Variants in ASIC2 observed in about 807,000 individuals in gnomAD.
ASIC2 encodes the protein acid-sensing ion channel 2.
In ASIC2, 25 loss-of-function variants were observed where a neutral mutation model predicts 57.3. That is an observed-to-expected ratio of 0.44 (90% CI 0.32 to 0.61). The LOEUF (loss-of-function observed/expected upper bound fraction) is 0.61. ASIC2 is among the 20% of genes least tolerant of loss of function. The probability of loss-of-function intolerance (pLI) is 0.06; values close to 1 mark genes in which losing one functional copy is unlikely to be tolerated. For synonymous variants in ASIC2, 319 were observed against 307.5 expected (o/e 1.04, Z -0.39); for missense variants, 641 against 738.1 (o/e 0.87, Z 1.52).
At chr17:33,289,216 T>G (rs1905317131) in intron 1 of ASIC2, among the ~76,000 whole-genome samples, 1 of 152,136 alleles carries the variant, frequency 6.6e-6, no homozygotes, top group Admixed American at 6.5e-5. Context: ...CTTGGATGTG[T>G]GTGTGCCTGC....
chr17:33,944,613 G>T (rs1023821937), intron 1 of ASIC2, among the ~76,000 whole-genome samples: 1 of 152,230 alleles, frequency 6.6e-6, no homozygotes, highest in Non-Finnish European at 1.5e-5. Context: ...AGCGTGTGAT[G>T]TGGGCTAGTC....
At chr17:34,036,296 C>T (rs1402122027) in intron 1 of ASIC2, among the ~76,000 whole-genome samples, 1 of 144,744 alleles carries the variant, frequency 6.9e-6, no homozygotes, top group African/African-American at 2.6e-5. Flanking sequence ...ATCGCATGTT[C>T]TCACTCATAG....
intron 1 of ASIC2, among the ~76,000 whole-genome samples, chr17:34,099,449 G>T (rs1393715349): frequency 1.4e-5 from 1 of 73,138 alleles, no homozygotes; most frequent in African/African-American, 4.0e-5. Context: ...GAAAGAGAAA[G>T]AAAGAAAAGA....
intron 3 of ASIC2, among the ~76,000 whole-genome samples, chr17:33,087,342 C>T (rs936761541): frequency 5.3e-5 from 8 of 152,048 alleles, no homozygotes; most frequent in African/African-American, 1.4e-4. Context: ...TTTCTGCTTG[C>T]ATCACTTGTC....
At position 33,042,285 on chromosome 17, in the gene ASIC2, A is replaced by G. The variant is rs1039595698; in HGVS notation, c.988-13893T>C. Reference sequence around the variant, plus strand: ...TCTGCCTGGCTTCAGTAAGGGTTCAACCCAGAAGGTCAAAGCAGAAAGGAT... The same window carrying G: ...TCTGCCTGGCTTCAGTAAGGGTTCAGCCCAGAAGGTCAAAGCAGAAAGGAT... On this transcript the variant is annotated intron_variant, in intron 3 of 9. Transcript: ENST00000225823. 7.7e-4 allele frequency among the ~76,000 whole-genome samples: 117 copies of G among 152,174 alleles called. 1 individual carries two copies.
chr17:34,021,606 T>C (rs543326283), intron 1 of ASIC2, among the ~76,000 whole-genome samples: 9 of 152,304 alleles, frequency 5.9e-5, no homozygotes, highest in African/African-American at 2.2e-4. Flanking sequence ...GTTCCTGCTA[T>C]TTCTGTCATC....
chr17:33,668,676 G>A (rs1189113157), intron 1 of ASIC2, among the ~76,000 whole-genome samples: 2 of 152,172 alleles, frequency 1.3e-5, no homozygotes, highest in Non-Finnish European at 2.9e-5. Context: ...ATCAGGGCAT[G>A]GATATCTTTA....
At chr17:33,476,962 T>C (rs536165195) in intron 1 of ASIC2, among the ~76,000 whole-genome samples, 1 of 152,214 alleles carries the variant, frequency 6.6e-6, no homozygotes, top group Non-Finnish European at 1.5e-5. Flanking sequence ...AAAACAGTAG[T>C]CCAAGAACAA....
At chr17:33,138,673 T>C (rs1421753474) in intron 1 of ASIC2, among the ~76,000 whole-genome samples, 1 of 152,174 alleles carries the variant, frequency 6.6e-6, no homozygotes, top group Non-Finnish European at 1.5e-5. Flanking sequence ...TCCTCTTACT[T>C]CTTCATATTC....
intron 1 of ASIC2, among the ~76,000 whole-genome samples, chr17:33,883,620 G>A (rs1914756873): frequency 1.3e-5 from 2 of 152,212 alleles, no homozygotes; most frequent in Middle Eastern, 3.4e-3. Context: ...AGCCCCAGAT[G>A]CACATGTCAG....
At chr17:33,894,684 T>C (rs1915048556) in intron 1 of ASIC2, among the ~76,000 whole-genome samples, 1 of 152,156 alleles carries the variant, frequency 6.6e-6, no homozygotes, top group South Asian at 2.1e-4. Context: ...GGATAATCCA[T>C]TGGTGTTTTG....
intron 1 of ASIC2, among the ~76,000 whole-genome samples, chr17:33,319,579 T>C (rs1005109227): frequency 6.6e-6 from 1 of 152,214 alleles, no homozygotes; most frequent in Admixed American, 6.5e-5. Flanking sequence ...AGCCATACAA[T>C]GTGTAATAAT....
intron 1 of ASIC2, among the ~76,000 whole-genome samples, chr17:33,356,660 A>G (rs1401459096): frequency 6.6e-6 from 1 of 152,136 alleles, no homozygotes; most frequent in Non-Finnish European, 1.5e-5. Context: ...ATAGTATTCA[A>G]ATGAGGCCCC....
chr17:33,169,289 C>G (rs544184051), intron 1 of ASIC2, among the ~76,000 whole-genome samples: 1 of 152,350 alleles, frequency 6.6e-6, no homozygotes, highest in Admixed American at 6.5e-5. Flanking sequence ...TCCTGCCCCA[C>G]TCAGGGGAGT....
intron 1 of ASIC2, among the ~76,000 whole-genome samples, chr17:33,495,768 G>A (rs751425973): frequency 3.9e-5 from 6 of 152,160 alleles, no homozygotes; most frequent in Non-Finnish European, 8.8e-5. Flanking sequence ...GCCTGCCATG[G>A]AGAAGCATAG....
At chr17:33,276,075 A>G (rs762803245) in intron 1 of ASIC2, among the ~76,000 whole-genome samples, 134 of 152,134 alleles carry the variant, frequency 8.8e-4, no homozygotes, top group Non-Finnish European at 1.7e-3. Flanking sequence ...TGTTGACTGG[A>G]TATAGGATAC....
At chr17:33,488,404 C>T (rs1006346735) in intron 1 of ASIC2, among the ~76,000 whole-genome samples, 1 of 152,188 alleles carries the variant, frequency 6.6e-6, no homozygotes, top group African/African-American at 2.4e-5. Flanking sequence ...ACTGCATATC[C>T]TTTATTATTA....
At chr17:33,483,210 G>A (rs1248442879) in intron 1 of ASIC2, among the ~76,000 whole-genome samples, 1 of 152,158 alleles carries the variant, frequency 6.6e-6, no homozygotes, top group African/African-American at 2.4e-5. Flanking sequence ...AGCATCACCG[G>A]CCCTGGCATG....
intron 1 of ASIC2, among the ~76,000 whole-genome samples, chr17:33,578,512 A>G (rs897791804): frequency 6.6e-6 from 1 of 152,206 alleles, no homozygotes; most frequent in Admixed American, 6.5e-5. Context: ...GACGGATAGA[A>G]GAATAAAGGG....
Sources: gnomAD v4.1 joint callset for allele counts (sites outside exome capture counted in the v4.1 genomes callset) on GRCh38, gnomAD v4.1.1 for gene constraint, MANE v1.5 for transcripts, NCBI Gene and HGNC (gene_info 2026-07-23, HGNC 2026-07-21) for gene names.